The following ERC2 variants were observed in gnomAD, a reference collection of about 807,000 sequenced individuals.
ERC2 encodes ERC protein 2.
A neutral mutation model predicts 114.8 loss-of-function variants in ERC2; 42 were observed. The ratio of observed to expected loss-of-function variants is 0.37; its 90% CI spans 0.29 to 0.47. The LOEUF (loss-of-function observed/expected upper bound fraction) is 0.47, where lower values mean the gene tolerates loss of function less well. Ranked by LOEUF, ERC2 falls within the 20% of genes least tolerant of loss-of-function variation. The pLI is 0.99. For synonymous variants in ERC2, 454 were observed against 425.5 expected (o/e 1.07, Z -0.82); for missense variants, 939 against 1,150.7 (o/e 0.82, Z 2.66).
intron 3 of ERC2, among the ~76,000 whole-genome samples, chr3:56,188,483 G>A (rs1055182421): frequency 2.6e-5 from 4 of 152,260 alleles, no homozygotes; most frequent in South Asian, 2.1e-4. Flanking sequence ...AGCAGAGGGC[G>A]GCTCCTACAC....
At chr3:56,404,623 T>C (rs1000413114) in intron 2 of ERC2, among the ~76,000 whole-genome samples, 1 of 152,148 alleles carries the variant, frequency 6.6e-6, no homozygotes, top group African/African-American at 2.4e-5. Context: ...GAATACCCCA[T>C]TTTACACGTG....
At chr3:56,336,041 T>C (rs2150474713) in intron 2 of ERC2, among the ~76,000 whole-genome samples, 1 of 152,250 alleles carries the variant, frequency 6.6e-6, no homozygotes, top group African/African-American at 2.4e-5. Flanking sequence ...GCACTGAATC[T>C]AGAGGGAAAG....
intron 17 of ERC2, among the ~76,000 whole-genome samples, chr3:55,583,688 A>G (rs565192463): frequency 4.6e-5 from 7 of 151,334 alleles, no homozygotes; most frequent in Non-Finnish European, 8.8e-5. Flanking sequence ...CTAGGCTGGT[A>G]TAAGATGACA....
chr3:56,171,624 C>T (rs975585344), intron 4 of ERC2, among the ~76,000 whole-genome samples: 7 of 152,116 alleles, frequency 4.6e-5, no homozygotes, highest in South Asian at 4.2e-4. Flanking sequence ...TCTCTGCCTT[C>T]CCATGTAGAT....
intron 17 of ERC2, among the ~76,000 whole-genome samples, chr3:55,578,238 T>C (rs1575637674): frequency 1.3e-5 from 2 of 152,334 alleles, no homozygotes; most frequent in South Asian, 4.1e-4. Flanking sequence ...TGTACAGAGT[T>C]GTCAATGGCT....
chr3:55,973,262 A>C (rs2069313223), intron 12 of ERC2, among the ~76,000 whole-genome samples: 1 of 152,170 alleles, frequency 6.6e-6, no homozygotes, highest in Admixed American at 6.5e-5. Flanking sequence ...AAAGAAATGG[A>C]ATCTGTTGGA....
At chr3:56,218,019 C>G (rs2049614092) in intron 3 of ERC2, among the ~76,000 whole-genome samples, 2 of 152,096 alleles carry the variant, frequency 1.3e-5, no homozygotes, top group Non-Finnish European at 2.9e-5. Context: ...CATGTTAGAC[C>G]TGAAACCATA....
chr3:55,632,439 G>A (rs971428468), intron 17 of ERC2, among the ~76,000 whole-genome samples: 2 of 152,172 alleles, frequency 1.3e-5, no homozygotes, highest in African/African-American at 2.4e-5. Flanking sequence ...CTGCTGGAAG[G>A]CTGTCAGGCT....
intron 3 of ERC2, among the ~76,000 whole-genome samples, chr3:56,288,726 T>C (rs985902616): frequency 6.6e-6 from 1 of 152,202 alleles, no homozygotes. Flanking sequence ...AGATGCTTCA[T>C]TGACATCCAT....
Position 56,296,136 on chromosome 3 carries a change from G to A in ERC2, c.957C>T (p.Ser319=), listed in dbSNP as rs369940802. ...GCTCATTGTCATCCTCCAGGCTTTTGGATGGCAAGCCTTTACTTTGCAACA... is the reference window on the plus strand; with the variant it reads ...GCTCATTGTCATCCTCCAGGCTTTTAGATGGCAAGCCTTTACTTTGCAACA... The part of the protein sequence containing the change: ...LEMLQSKGLP[S]KSLEDDNERT... The change falls in exon 3 of 18, where the codon TCC becomes TCT. Residue 319 remains serine (S), a synonymous_variant. Transcript: ENST00000288221. 255 of 1,614,004 alleles carry A rather than the reference G, an allele frequency of 1.6e-4. No individual in the cohort carries two copies. In the Middle Eastern group the frequency reaches 3.8e-3, roughly 24 times the overall value.
chr3:56,151,941 C>T (rs1485785725), intron 4 of ERC2, among the ~76,000 whole-genome samples: 1 of 152,198 alleles, frequency 6.6e-6, no homozygotes, highest in African/African-American at 2.4e-5. Context: ...CTTTCTTCAT[C>T]TGAACATTTT....
At chr3:55,948,837 A>C (rs755370234) in intron 13 of ERC2, among the ~76,000 whole-genome samples, 47 of 152,250 alleles carry the variant, frequency 3.1e-4, no homozygotes, top group Non-Finnish European at 6.2e-4. Context: ...ATACCTCTGC[A>C]TATAGTAAAC....
chr3:55,928,077 A>T (rs2065852278), intron 13 of ERC2, among the ~76,000 whole-genome samples: 1 of 152,224 alleles, frequency 6.6e-6, no homozygotes, highest in Non-Finnish European at 1.5e-5. Context: ...ATAGTAGTGT[A>T]GATATCTCTT....
At chr3:55,820,722 C>T (rs1406786745) in intron 14 of ERC2, among the ~76,000 whole-genome samples, 1 of 152,182 alleles carries the variant, frequency 6.6e-6, no homozygotes, top group African/African-American at 2.4e-5. Context: ...GGTCACTACT[C>T]TGGGTGAGAA....
intron 17 of ERC2, among the ~76,000 whole-genome samples, chr3:55,591,162 G>C (rs1227299878): frequency 6.7e-6 from 1 of 149,004 alleles, no homozygotes; most frequent in African/African-American, 2.5e-5. Context: ...AATTATGGTT[G>C]ATTTTCACTT....
intron 3 of ERC2, among the ~76,000 whole-genome samples, chr3:56,288,902 G>C (rs2054899279): frequency 6.6e-6 from 1 of 152,210 alleles, no homozygotes; most frequent in African/African-American, 2.4e-5. Context: ...TTCAATTCTA[G>C]TGGTTAAATA....
chr3:55,744,200 C>T (rs546453754), intron 14 of ERC2, among the ~76,000 whole-genome samples: 89 of 152,096 alleles, frequency 5.9e-4, no homozygotes, highest in African/African-American at 2.0e-3. Context: ...GTCAGGAGTT[C>T]GAGACCAACC....
intron 10 of ERC2, among the ~76,000 whole-genome samples, chr3:55,995,698 A>G (rs9832211): frequency 0.04 from 6,124 of 152,248 alleles, 262 homozygotes; most frequent in African/African-American, 0.11. Context: ...AGAATTTACA[A>G]AAGATATTGT....
chr3:56,028,718 C>T lies in ERC2; in HGVS notation c.1642-9687G>A, dbSNP rs533017108. Among the ~76,000 whole-genome samples, 63 of 152,102 alleles carry T rather than the reference C, an allele frequency of 4.1e-4. No individual in the cohort carries two copies. In the Middle Eastern group the frequency reaches 0.01, roughly 25 times the overall value. The stretch of plus-strand genomic sequence containing the variant: ...GGGAGTGAGGTGGGTTGTTTTGTTT[C>T]ATTTTTTGTCCCTTTTTAAAGATTC... On this transcript the variant is annotated intron_variant, in intron 7 of 17. Coordinates refer to ENST00000288221, the MANE Select transcript of ERC2 (RefSeq NM_015576.3).
Sources: gnomAD v4.1 joint callset for allele counts (sites outside exome capture counted in the v4.1 genomes callset) on GRCh38, gnomAD v4.1.1 for gene constraint, MANE v1.5 for transcripts, NCBI Gene and HGNC (gene_info 2026-07-23, HGNC 2026-07-21) for gene names.